The following ANKS1B variants were observed in gnomAD, a reference collection of about 807,000 sequenced individuals.
The protein encoded by ANKS1B is ankyrin repeat and sterile alpha motif domain containing 1B.
Under a neutral mutation model 148.3 loss-of-function variants are expected in ANKS1B, and 36 were observed. The ratio of observed to expected loss-of-function variants is 0.24; its 90% confidence interval spans 0.19 to 0.32. The LOEUF (loss-of-function observed/expected upper bound fraction) is 0.32. Ranked by LOEUF, ANKS1B falls within the 10% of genes least tolerant of loss-of-function variation. The probability of loss-of-function intolerance (pLI) is 1.00; values close to 1 mark genes in which losing one functional copy is unlikely to be tolerated. For synonymous variants in ANKS1B, 542 were observed against 560.8 expected (o/e 0.97, Z 0.47); for missense variants, 1,157 against 1,542.6 (o/e 0.75, Z 4.19).
chr12:99,419,471 G>A (rs757208343), intron 11 of ANKS1B, among the ~76,000 whole-genome samples: 7 of 152,014 alleles, frequency 4.6e-5, no homozygotes, highest in Non-Finnish European at 1.0e-4. Context: ...CCTGATATAG[G>A]TAATTTGTGT....
At chr12:99,183,883 C>T (rs1167738353) in intron 14 of ANKS1B, among the ~76,000 whole-genome samples, 1 of 152,144 alleles carries the variant, frequency 6.6e-6, no homozygotes, top group Non-Finnish European at 1.5e-5. Flanking sequence ...CTATGAAGCA[C>T]ATTTTGGGAA....
chr12:99,449,112 TAATC>T (rs144712837), intron 10 of ANKS1B, among the ~76,000 whole-genome samples: 7,015 of 152,238 alleles, frequency 0.046, 496 homozygotes, highest in African/African-American at 0.15. Context: ...ATTTGGTTCT[TAATC>T]AAGTATATGA....
chr12:99,724,245 C>G (rs1413120089), intron 8 of ANKS1B, among the ~76,000 whole-genome samples: 2 of 152,208 alleles, frequency 1.3e-5, no homozygotes, highest in Non-Finnish European at 2.9e-5. Flanking sequence ...TGCAAAGAAG[C>G]TAAGAACCTT....
intron 1 of ANKS1B, among the ~76,000 whole-genome samples, chr12:99,870,187 T>C (rs757803000): frequency 2.0e-5 from 3 of 152,218 alleles, no homozygotes; most frequent in Non-Finnish European, 2.9e-5. Flanking sequence ...AGTGAGAACC[T>C]GTGGTATTTG....
intron 9 of ANKS1B, among the ~76,000 whole-genome samples, chr12:99,543,966 T>C (rs2097150429): frequency 6.6e-6 from 1 of 152,020 alleles, no homozygotes; most frequent in Admixed American, 6.6e-5. Flanking sequence ...AGAAGACAAA[T>C]AAAATTGCAA....
intron 12 of ANKS1B, among the ~76,000 whole-genome samples, chr12:99,307,870 A>G (rs2082570868): frequency 6.6e-6 from 1 of 152,082 alleles, no homozygotes; most frequent in African/African-American, 2.4e-5. Flanking sequence ...TTCTTGCTGG[A>G]GGTCACACAG....
At position 99,637,428 on chromosome 12, in the gene ANKS1B, C is replaced by T. The variant is rs749307932; in HGVS notation, c.1272+17639G>A. On this transcript the variant is annotated intron_variant, in intron 9 of 26. Transcript: ENST00000683438. ...TGATGGTTAATACTGAATGTCAACTCGATTGGATTGAAGGATGCAAAGTAT... is the reference window on the plus strand; with the variant it reads ...TGATGGTTAATACTGAATGTCAACTTGATTGGATTGAAGGATGCAAAGTAT... Among the ~76,000 whole-genome samples the T allele has an allele frequency of 2.6e-5, 4 of 152,172 alleles. No homozygotes were observed. In the East Asian group the frequency reaches 7.7e-4, roughly 29 times the overall value.
intron 17 of ANKS1B, among the ~76,000 whole-genome samples, chr12:98,980,465 C>G (rs1437300923): frequency 6.6e-6 from 1 of 152,226 alleles, no homozygotes; most frequent in Non-Finnish European, 1.5e-5. Context: ...CTCGGCCTCC[C>G]GAAGTGCTGG....
chr12:99,877,766 A>G (rs184809005), intron 1 of ANKS1B, among the ~76,000 whole-genome samples: 35 of 152,284 alleles, frequency 2.3e-4, no homozygotes, highest in Non-Finnish European at 4.4e-5. Context: ...AACTTAGCCA[A>G]ATAGGGAACC....
intron 17 of ANKS1B, among the ~76,000 whole-genome samples, chr12:98,842,392 G>T (rs1301181792): frequency 6.6e-6 from 1 of 152,182 alleles, no homozygotes; most frequent in African/African-American, 2.4e-5. Flanking sequence ...TATATGTACA[G>T]AAAACATATC....
intron 12 of ANKS1B, among the ~76,000 whole-genome samples, chr12:99,284,433 A>T (rs1003257970): frequency 5.9e-5 from 9 of 152,234 alleles, no homozygotes; most frequent in Non-Finnish European, 1.2e-4. Context: ...GACCTAGATT[A>T]TAACAGTGCT....
At chr12:99,426,679 A>G (rs1394190335) in intron 11 of ANKS1B, among the ~76,000 whole-genome samples, 1 of 152,222 alleles carries the variant, frequency 6.6e-6, no homozygotes, top group Non-Finnish European at 1.5e-5. Flanking sequence ...TCTTTGATGC[A>G]TAAGTAGACT....
intron 17 of ANKS1B, among the ~76,000 whole-genome samples, chr12:98,857,225 G>A (rs1475733681): frequency 6.6e-6 from 1 of 152,176 alleles, no homozygotes; most frequent in Non-Finnish European, 1.5e-5. Context: ...TATTTTAAGC[G>A]AGGTCTTAGA....
chr12:99,504,658 A>T lies in ANKS1B; in HGVS notation c.1273-17T>A. 4 of 1,511,028 alleles carry T rather than the reference A, an allele frequency of 2.6e-6. No homozygotes were observed. The highest frequency in any genetic ancestry group is 3.5e-6 in the Non-Finnish European group (4 of 1,128,062). 93.6% of individuals were successfully genotyped at this position (1,511,028 alleles called of 1,614,324 possible). A position where few individuals can be genotyped will look rare whatever the true frequency, so the allele number is the denominator to read the frequency against. On this transcript the variant is annotated splice_polypyrimidine_tract_variant and intron_variant, in intron 9 of 26. Transcript: ENST00000683438. ...ATAGGACTCCTGAAAAGAAGAAAAAATAAAAACAGCTTTGTGATGAAGAAA... is the reference window on the plus strand; with the variant it reads ...ATAGGACTCCTGAAAAGAAGAAAAATTAAAAACAGCTTTGTGATGAAGAAA...
At chr12:99,569,349 T>G (rs1280266930) in intron 9 of ANKS1B, among the ~76,000 whole-genome samples, 1 of 152,146 alleles carries the variant, frequency 6.6e-6, no homozygotes, top group Non-Finnish European at 1.5e-5. Flanking sequence ...GAATCTCAAT[T>G]CTTCTGCTTA....
intron 8 of ANKS1B, among the ~76,000 whole-genome samples, chr12:99,658,686 A>G (rs1037983235): frequency 6.6e-6 from 1 of 152,256 alleles, no homozygotes; most frequent in Non-Finnish European, 1.5e-5. Flanking sequence ...TAGTTTCCCT[A>G]TCTGAAAAAA....
Position 99,323,188 on chromosome 12 carries a change from C to T in ANKS1B, c.1757-76324G>A, listed in dbSNP as rs1323164108. Among the ~76,000 whole-genome samples the T allele has an allele frequency of 2.0e-5, 3 of 152,154 alleles. No individual in the cohort carries two copies. In the East Asian group the frequency reaches 5.8e-4, roughly 29 times the overall value. On this transcript the variant is annotated intron_variant, in intron 12 of 26. Coordinates refer to ENST00000683438, the MANE Select transcript of ANKS1B (RefSeq NM_001352186.2). ...GATATATCCTCTTTTAACTTCTGGACAGAGTTGTGTATCTGTTCTATTATG... is the reference window on the plus strand; with the variant it reads ...GATATATCCTCTTTTAACTTCTGGATAGAGTTGTGTATCTGTTCTATTATG...
At chr12:99,680,873 GC>G (rs1396342814) in intron 8 of ANKS1B, among the ~76,000 whole-genome samples, 1 of 152,044 alleles carries the variant, frequency 6.6e-6, no homozygotes, top group African/African-American at 2.4e-5. Context: ...GTCACTGCCA[GC>G]TTTTCCCCAC....
chr12:99,739,199 T>C lies in ANKS1B; in HGVS notation c.1128+33723A>G, dbSNP rs115815543. ...AATTCTACCCTAACTTTATAAATTC[T>C]AAACCACTGTGGCCTTCAACCCCAC... On this transcript the variant is annotated intron_variant, in intron 8 of 26. Transcript: ENST00000683438. 4.9e-3 allele frequency among the ~76,000 whole-genome samples: 747 copies of C among 151,730 alleles called. 10 individuals carry two copies. Among genetic ancestry groups the C allele is most frequent in the African/African-American group, 0.017 (714 of 41,350 alleles).
Sources: allele counts gnomAD v4.1 joint callset (sites outside exome capture counted in the v4.1 genomes callset), GRCh38; gene constraint gnomAD v4.1.1; transcripts MANE v1.5; gene names NCBI Gene and HGNC (gene_info 2026-07-23, HGNC 2026-07-21).